PHF8: variants seen among roughly 807,000 people sequenced by gnomAD.
The protein encoded by PHF8 is PHD finger protein 8, also known as histone lysine demethylase PHF8.
Under a neutral mutation model 74.4 loss-of-function variants are expected in PHF8, and 9 were observed. The ratio of observed to expected loss-of-function variants is 0.12; its 90% CI spans 0.07 to 0.21. The LOEUF is 0.21. Ranked by LOEUF, PHF8 falls within the 10% of genes least tolerant of loss-of-function variation. The probability of loss-of-function intolerance (pLI) is 1.00; values close to 1 mark genes in which losing one functional copy is unlikely to be tolerated. For missense variants in PHF8, 478 were observed against 816.6 expected (o/e 0.59, Z 5.05); for synonymous variants, 311 against 316.6 (o/e 0.98, Z 0.19).
At chrX:54,009,641 A>G (rs1382601970) in intron 8 of PHF8, among the ~76,000 whole-genome samples, 4 of 107,682 alleles carry the variant, frequency 3.7e-5, no homozygotes, top group African/African-American at 1.3e-4. Context: ...TCAGGAGATC[A>G]AGACCATCCT....
chrX:53,950,695 TAG>T (rs1318014566), intron 19 of PHF8, among the ~76,000 whole-genome samples: 2 of 111,957 alleles, frequency 1.8e-5, no homozygotes, highest in African/African-American at 6.5e-5. Context: ...GCTAAATGAG[TAG>T]AGACATCAGT....
chrX:54,010,147 C>A (rs984520038), intron 8 of PHF8, among the ~76,000 whole-genome samples: 2 of 109,425 alleles, frequency 1.8e-5, no homozygotes, highest in Non-Finnish European at 3.8e-5. Flanking sequence ...ATGGTAAAAC[C>A]CCATCTCTAC....
chrX:54,045,942 T>TACCCAGAGG (rs370934341), upstream of PHF8, among the ~76,000 whole-genome samples: 1 of 104,742 alleles, frequency 9.5e-6, no homozygotes, highest in African/African-American at 3.4e-5. Context: ...GAGGATGGTT[T>TACCCAGAGG]AGGGTTTTTT....
chrX:54,020,513 T>A (rs781963018), intron 4 of PHF8, among the ~76,000 whole-genome samples: 4 of 110,820 alleles, frequency 3.6e-5, no homozygotes, highest in South Asian at 3.8e-4. Context: ...TATATTTTTT[T>A]AAAAAAAAGC....
chrX:53,985,285 G>C (rs953322321), intron 17 of PHF8, 58 bp from the exon 18 acceptor site: 4 of 959,072 alleles, frequency 4.2e-6, no homozygotes, highest in Admixed American at 2.6e-5. Context: ...AGAGTAAATC[G>C]GTCATCAGAA....
intron 18 of PHF8, among the ~76,000 whole-genome samples, chrX:53,977,444 A>G (rs1438853145): frequency 1.8e-5 from 2 of 112,293 alleles, no homozygotes; most frequent in African/African-American, 3.2e-5. Context: ...AAAAGAGGAT[A>G]TATGAATGGC....
At chrX:54,016,901 G>A (rs1159984587) in intron 5 of PHF8, among the ~76,000 whole-genome samples, 165 bp from the exon 6 acceptor site, 2 of 111,866 alleles carry the variant, frequency 1.8e-5, no homozygotes, top group African/African-American at 3.3e-5. Context: ...GGAACCCATC[G>A]CACTTTCCTT....
Position 53,938,912 on chromosome X carries a change from TCAG to T in PHF8, c.*243_*245del. On this transcript the variant is annotated 3_prime_UTR_variant, in exon 22 of 22. Coordinates refer to ENST00000338154, the MANE Select transcript of PHF8 (RefSeq NM_015107.3). Reference sequence around the variant, plus strand: ...GGACGAGTAGAAAAGAGGGTTCTAGTCAGCTGGAAACCTCTCCCATTTACCTGC... The same window carrying T: ...GGACGAGTAGAAAAGAGGGTTCTAGTCTGGAAACCTCTCCCATTTACCTGC... The T allele has an allele frequency of 1.0e-6, 1 of 955,916 alleles. No individual in the cohort carries two copies. Among genetic ancestry groups the T allele is most frequent in the Non-Finnish European group, 1.3e-6 (1 of 765,348 alleles). 78.8% of individuals were successfully genotyped at this position (955,916 alleles called of 1,213,427 possible). A position where few individuals can be genotyped will look rare whatever the true frequency, so the allele number is the denominator to read the frequency against.
chrX:53,963,744 G>A (rs1276274375), intron 18 of PHF8, among the ~76,000 whole-genome samples: 1 of 112,410 alleles, frequency 8.9e-6, no homozygotes, highest in African/African-American at 3.2e-5. Context: ...AACAGATGCT[G>A]GAGAGGATGT....
chrX:53,962,661 T>C (rs782149784), intron 19 of PHF8, among the ~76,000 whole-genome samples, 183 bp downstream of exon 19: 1 of 111,607 alleles, frequency 9.0e-6, no homozygotes, highest in East Asian at 2.8e-4. Context: ...CTCTGTGTCT[T>C]ATTAGTCATT....
intron 14 of PHF8, among the ~76,000 whole-genome samples, chrX:53,991,507 C>G (rs1004179117): frequency 9.2e-6 from 1 of 109,155 alleles, no homozygotes; most frequent in Admixed American, 9.8e-5. Flanking sequence ...ACTAAAAATA[C>G]AAAAATTAGC....
intron 8 of PHF8, among the ~76,000 whole-genome samples, chrX:54,010,492 GA>G (rs2065967631): frequency 9.0e-6 from 1 of 111,630 alleles, no homozygotes; most frequent in Admixed American, 9.6e-5. Context: ...AACTTCCCAA[GA>G]AAACAAATCT....
chrX:53,995,589 C>T (rs1420313305), intron 12 of PHF8, 104 bp downstream of exon 12: 6 of 537,161 alleles, frequency 1.1e-5, no homozygotes, highest in South Asian at 9.8e-5. Context: ...AGGGTCTTCC[C>T]GACCCTTCCC....
At chrX:54,048,375 T>A (rs1243301978), upstream of PHF8, among the ~76,000 whole-genome samples, 4 of 109,934 alleles carry the variant, frequency 3.6e-5, no homozygotes, top group Non-Finnish European at 7.6e-5. Flanking sequence ...TACATAGAGG[T>A]TTGAGCAACC....
chrX:54,023,596 GT>G (rs1361793006), intron 2 of PHF8, among the ~76,000 whole-genome samples: 2 of 109,490 alleles, frequency 1.8e-5, no homozygotes, highest in Non-Finnish European at 3.8e-5. Flanking sequence ...GCCAGTCACA[GT>G]GGCTCATACC....
chrX:54,020,252 C>T (rs782181322), intron 4 of PHF8, among the ~76,000 whole-genome samples: 1 of 112,001 alleles, frequency 8.9e-6, no homozygotes, highest in African/African-American at 3.2e-5. Context: ...ATAGGAAAAT[C>T]GGCACCCTCC....
chrX:53,980,949 G>A (rs782602085), intron 18 of PHF8, among the ~76,000 whole-genome samples: 21 of 112,747 alleles, frequency 1.9e-4, no homozygotes, highest in African/African-American at 3.2e-4. Context: ...CTGGTGGCTC[G>A]CGCCTGTAAT....
Position 53,999,875 on chromosome X carries a change from T to C in PHF8, c.1228A>G (p.Lys410Glu). 8.5e-7 allele frequency: 1 copy of C among 1,172,950 alleles called. No homozygotes were observed. The highest frequency in any genetic ancestry group is 1.2e-6 in the Non-Finnish European group (1 of 860,647). The change falls in exon 11 of 22, where the codon AAA becomes GAA. Residue 410 changes from lysine to glutamate, a missense_variant. By Grantham distance (56) the Lys-to-Glu change is moderately conservative (BLOSUM62 1). This residue lies in a region of PHF8 where 153 missense variants were observed against 164.8 expected (regional missense o/e 0.93). Coordinates refer to ENST00000338154, the MANE Select transcript of PHF8 (RefSeq NM_015107.3). ...LNLAFRAWTRKEALPDHEDEI... is the reference protein window; with the variant it reads ...LNLAFRAWTREEALPDHEDEI... ...AGAGAAATATGCATATTTACTTCTTTCCTTGTCCAGGCTCTAAAGGCCAAG... is the reference window on the plus strand; with the variant it reads ...AGAGAAATATGCATATTTACTTCTTCCCTTGTCCAGGCTCTAAAGGCCAAG...
intron 4 of PHF8, among the ~76,000 whole-genome samples, chrX:54,021,454 A>ATTTTTTTTTTTTTTTTT (rs1156928686): frequency 2.4e-5 from 1 of 42,166 alleles, no homozygotes; most frequent in Non-Finnish European, 3.9e-5. Flanking sequence ...AGTTGCAATT[A>ATTTTTTTTTTTTTTTTT]TTTTTTTTTT....
Sources: gnomAD v4.1 joint callset for allele counts (sites outside exome capture counted in the v4.1 genomes callset) on GRCh38, gnomAD v4.1.1 for gene constraint, gnomAD v4.1.1 regional missense constraint, MANE v1.5 for transcripts, NCBI Gene and HGNC (gene_info 2026-07-23, HGNC 2026-07-21) for gene names.